ARL6: variants seen among roughly 807,000 people sequenced by gnomAD.
The protein encoded by ARL6 is ARF like GTPase 6.
ARL6 carries 18 observed loss-of-function variants against 27.1 expected under a neutral mutation model. The observed-to-expected ratio is 0.66, with a 90% CI of 0.46 to 0.98. ARL6 has a LOEUF of 0.98. Ranked by LOEUF, ARL6 falls within the 50% of genes least tolerant of loss-of-function variation. The pLI is 0.00. For missense variants in ARL6, 187 were observed against 214.9 expected (o/e 0.87, Z 0.81); for synonymous variants, 65 against 72.3 (o/e 0.90, Z 0.51).
chr3:97,791,763 C>T lies in ARL6; in HGVS notation c.480-8C>T, dbSNP rs77010939. 2.7e-3 allele frequency: 4,328 copies of T among 1,613,100 alleles called. 96 individuals carry two copies. In the African/African-American group the frequency reaches 0.05, roughly 19 times the overall value. Reference sequence around the variant, plus strand: ...AGATGGCTATGTTTCTTATGGATTTCATTTCAGTGCTAGTGATGCCATAAA... The same window carrying T: ...AGATGGCTATGTTTCTTATGGATTTTATTTCAGTGCTAGTGATGCCATAAA... On this transcript the variant is annotated splice_region_variant and splice_polypyrimidine_tract_variant and intron_variant, in intron 6 of 7. Transcript: ENST00000463745.
chr3:97,788,792 C>G (rs2037585357), intron 6 of ARL6, among the ~76,000 whole-genome samples: 1 of 152,110 alleles, frequency 6.6e-6, no homozygotes, highest in African/African-American at 2.4e-5. Flanking sequence ...TCTTATTTAA[C>G]TCCATTGTGC....
chr3:97,780,787 A>G, intron 4 of ARL6, 104 bp downstream of exon 4: 1 of 824,128 alleles, frequency 1.2e-6, no homozygotes, highest in Non-Finnish European at 2.0e-6. Context: ...TTTTTTTTTC[A>G]TGTAATTTAT....
At chr3:97,781,876 T>G (rs2037217925) in intron 4 of ARL6, among the ~76,000 whole-genome samples, 1 of 152,102 alleles carries the variant, frequency 6.6e-6, no homozygotes, top group African/African-American at 2.4e-5. Context: ...TATGTGATAT[T>G]TACCAGATAA....
At chr3:97,781,051 T>C (rs2037173567) in intron 4 of ARL6, among the ~76,000 whole-genome samples, 2 of 152,164 alleles carry the variant, frequency 1.3e-5, no homozygotes, top group South Asian at 2.1e-4. Flanking sequence ...TGTCCATTTC[T>C]ATCTCTCTAA....
rs104893681 is a variant in ARL6 at position 97,791,800 on chromosome 3, T to C, written c.509T>C (p.Leu170Ser). The C allele has an allele frequency of 1.2e-6, 2 of 1,613,822 alleles. No homozygotes were observed. The highest frequency in any genetic ancestry group is 1.3e-5 in the African/African-American group (1 of 75,044). ...AGTGATGCCATAAAAGGAGAAGGCTTGCAAGAAGGTGTAGACTGGCTTCAA... is the reference window on the plus strand; with the variant it reads ...AGTGATGCCATAAAAGGAGAAGGCTCGCAAGAAGGTGTAGACTGGCTTCAA... ...CASDAIKGEGLQEGVDWLQDQ... is the reference protein window; with the variant it reads ...CASDAIKGEGSQEGVDWLQDQ... Residue 170 changes from leucine (L) to serine (S), a missense_variant, in exon 7 of 8, where the codon TTG becomes TCG. Leu to Ser is a moderately radical substitution (Grantham distance 145). Transcript: ENST00000463745.
intron 2 of ARL6, among the ~76,000 whole-genome samples, chr3:97,774,912 C>A (rs1034490312): frequency 1.3e-5 from 2 of 152,192 alleles, no homozygotes; most frequent in African/African-American, 4.8e-5. Flanking sequence ...AACCAACCAA[C>A]TTCATTATGT....
chr3:97,775,030 C>A (rs951501706), intron 2 of ARL6, among the ~76,000 whole-genome samples: 116 of 152,298 alleles, frequency 7.6e-4, no homozygotes, highest in African/African-American at 2.7e-3. Context: ...TTTTGCATAA[C>A]TCTCTAAACA....
chr3:97,790,758 C>T (rs1033189813), intron 6 of ARL6, among the ~76,000 whole-genome samples: 6 of 151,792 alleles, frequency 4.0e-5, no homozygotes, highest in Admixed American at 2.0e-4. Context: ...TATGATAAGC[C>T]ATATTCTTAG....
At chr3:97,773,927 C>T (rs2036760306) in intron 2 of ARL6, among the ~76,000 whole-genome samples, 1 of 152,158 alleles carries the variant, frequency 6.6e-6, no homozygotes, top group Non-Finnish European at 1.5e-5. Flanking sequence ...GGTGGAGTGA[C>T]CCAAACCTTC....
At chr3:97,797,808 A>T (rs1443093609) in intron 7 of ARL6, among the ~76,000 whole-genome samples, 1 of 152,198 alleles carries the variant, frequency 6.6e-6, no homozygotes, top group East Asian at 1.9e-4. Flanking sequence ...TGTAGTCTCA[A>T]CTACTAGAGA....
At chr3:97,770,264 T>C (rs1247014996) in intron 2 of ARL6, among the ~76,000 whole-genome samples, 2 of 152,094 alleles carry the variant, frequency 1.3e-5, no homozygotes, top group Non-Finnish European at 2.9e-5. Context: ...TGTAGTTTGA[T>C]ATATATTTTC....
chr3:97,781,972 T>C (rs1397562273), intron 4 of ARL6, among the ~76,000 whole-genome samples: 1 of 152,054 alleles, frequency 6.6e-6, no homozygotes, highest in Non-Finnish European at 1.5e-5. Flanking sequence ...AGAGGAAATT[T>C]ATTCAAATTT....
intron 2 of ARL6, among the ~76,000 whole-genome samples, chr3:97,771,649 T>C (rs1301599547): frequency 1.3e-5 from 2 of 152,148 alleles, no homozygotes; most frequent in Non-Finnish European, 2.9e-5. Context: ...ACCAGTATAA[T>C]ATTAGTATAT....
At chr3:97,777,957 T>A (rs1293747438) in intron 2 of ARL6, among the ~76,000 whole-genome samples, 1 of 152,206 alleles carries the variant, frequency 6.6e-6, no homozygotes, top group Admixed American at 6.5e-5. Flanking sequence ...GTGAAGAAGT[T>A]AGGTGATCGT....
chr3:97,788,146 G>A, intron 6 of ARL6, 27 bp downstream of exon 6: 1 of 1,606,586 alleles, frequency 6.2e-7, no homozygotes, highest in Non-Finnish European at 8.5e-7. Context: ...ACTTTTCACT[G>A]TAGCTTTCTG....
At chr3:97,797,581 A>G (rs756944001) in intron 7 of ARL6, among the ~76,000 whole-genome samples, 6 of 152,166 alleles carry the variant, frequency 3.9e-5, no homozygotes, top group Non-Finnish European at 8.8e-5. Flanking sequence ...CAATAAAAGT[A>G]TATTATTTAG....
chr3:97,786,180 A>T (rs1160826152), intron 5 of ARL6, among the ~76,000 whole-genome samples: 3 of 151,994 alleles, frequency 2.0e-5, no homozygotes, highest in African/African-American at 7.3e-5. Flanking sequence ...GTGAAACCCC[A>T]TCTCTACTAA....
chr3:97,780,539 T>A (rs937131629), intron 3 of ARL6, 76 bp from the exon 4 acceptor site: 1 of 1,226,406 alleles, frequency 8.2e-7, no homozygotes. Flanking sequence ...ATTTCTTTGA[T>A]TGTAAATAAT....
chr3:97,765,211 G>GGGGTGTGTGTGTGTGT (rs373304649), intron 1 of ARL6, among the ~76,000 whole-genome samples: 1 of 105,536 alleles, frequency 9.5e-6, no homozygotes, highest in Non-Finnish European at 2.2e-5. Flanking sequence ...GTGTATTGGG[G>GGGGTGTGTGTGTGTGT]GTGTGTGTGT....
Sources: allele counts gnomAD v4.1 joint callset (sites outside exome capture counted in the v4.1 genomes callset), GRCh38; gene constraint gnomAD v4.1.1; transcripts MANE v1.5; gene names NCBI Gene and HGNC (gene_info 2026-07-23, HGNC 2026-07-21).